ADAMTS6: variants seen among roughly 807,000 people sequenced by gnomAD.
ADAMTS6 encodes the protein ADAM metallopeptidase with thrombospondin type 1 motif 6, also known as A disintegrin and metalloproteinase with thrombospondin motifs 6.
In ADAMTS6, 23 loss-of-function variants were observed where a neutral mutation model predicts 144.3. That is an observed-to-expected ratio of 0.16 (90% confidence interval 0.11 to 0.23). The LOEUF (loss-of-function observed/expected upper bound fraction) is 0.23, where lower values mean the gene tolerates loss of function less well. ADAMTS6 is among the 10% of genes least tolerant of loss of function. The probability of loss-of-function intolerance (pLI) is 1.00; values close to 1 mark genes in which losing one functional copy is unlikely to be tolerated. For missense variants in ADAMTS6, 999 were observed against 1,379.6 expected (o/e 0.72, Z 4.37); for synonymous variants, 444 against 457.5 (o/e 0.97, Z 0.38).
intron 22 of ADAMTS6, among the ~76,000 whole-genome samples, chr5:65,182,247 C>T (rs190939352): frequency 6.6e-5 from 10 of 151,858 alleles, no homozygotes; most frequent in African/African-American, 2.4e-4. Context: ...GAGTTTGAGA[C>T]CACAGCCTGG....
chr5:65,244,001 A>T (rs1381242481), intron 14 of ADAMTS6, among the ~76,000 whole-genome samples: 1 of 152,146 alleles, frequency 6.6e-6, no homozygotes, highest in East Asian at 1.9e-4. Context: ...TATATATAGC[A>T]TATGACAGCA....
chr5:65,375,051 A>G (rs934953662), intron 7 of ADAMTS6, among the ~76,000 whole-genome samples: 1 of 152,244 alleles, frequency 6.6e-6, no homozygotes, highest in Non-Finnish European at 1.5e-5. Context: ...AAAACTGGCT[A>G]GCCATATGTA....
chr5:65,371,033 G>C (rs1184136751), intron 7 of ADAMTS6, among the ~76,000 whole-genome samples: 1 of 152,112 alleles, frequency 6.6e-6, no homozygotes, highest in Non-Finnish European at 1.5e-5. Context: ...TCACATGGCC[G>C]GGTACTCCAA....
intron 7 of ADAMTS6, among the ~76,000 whole-genome samples, chr5:65,406,255 C>T (rs1754473033): frequency 6.6e-6 from 1 of 152,146 alleles, no homozygotes; most frequent in African/African-American, 2.4e-5. Context: ...CCAGTTTTTG[C>T]CCATTCAGTA....
chr5:65,344,873 T>C (rs1196712406), intron 7 of ADAMTS6, among the ~76,000 whole-genome samples: 1 of 151,922 alleles, frequency 6.6e-6, no homozygotes, highest in Non-Finnish European at 1.5e-5. Context: ...GACTAAACTT[T>C]CTTCGGCTAG....
At chr5:65,173,084 G>A (rs1453927245) in intron 22 of ADAMTS6, 76 bp from the exon 23 acceptor site, 2 of 1,402,962 alleles carry the variant, frequency 1.4e-6, no homozygotes, top group African/African-American at 2.9e-5. Context: ...CTTTCTTCAT[G>A]TAAATGTGTG....
intron 14 of ADAMTS6, 122 bp downstream of exon 14, chr5:65,260,478 A>T: frequency 1.3e-6 from 1 of 745,068 alleles, no homozygotes; most frequent in Non-Finnish European, 2.2e-6. Context: ...TTAACAATTT[A>T]GAAAATTAAT....
At chr5:65,355,915 C>T (rs989000257) in intron 7 of ADAMTS6, among the ~76,000 whole-genome samples, 8 of 151,758 alleles carry the variant, frequency 5.3e-5, no homozygotes, top group Non-Finnish European at 1.0e-4. Flanking sequence ...GGTTTATCTA[C>T]TCTAATTGTT....
At chr5:65,359,123 A>G (rs1749598052) in intron 7 of ADAMTS6, among the ~76,000 whole-genome samples, 1 of 152,104 alleles carries the variant, frequency 6.6e-6, no homozygotes, top group Admixed American at 6.6e-5. Flanking sequence ...TGTAAACCAT[A>G]TATTTCATCG....
chr5:65,210,669 T>G (rs1756462252), intron 20 of ADAMTS6: 2 of 628,224 alleles, frequency 3.2e-6, no homozygotes, highest in Non-Finnish European at 3.0e-6. Flanking sequence ...TCCCTGGTTA[T>G]GATTCTGAAA....
intron 7 of ADAMTS6, among the ~76,000 whole-genome samples, chr5:65,412,210 A>G (rs1402050043): frequency 1.3e-5 from 2 of 152,170 alleles, no homozygotes; most frequent in Non-Finnish European, 2.9e-5. Context: ...AAGAATATAC[A>G]TTTTTAAAAT....
intron 20 of ADAMTS6, among the ~76,000 whole-genome samples, chr5:65,204,224 C>A (rs1187695600): frequency 6.6e-6 from 1 of 151,934 alleles, no homozygotes; most frequent in Admixed American, 6.6e-5. Flanking sequence ...TGAAAATATG[C>A]AGGATAATTC....
intron 9 of ADAMTS6, 75 bp from the exon 10 acceptor site, chr5:65,300,206 G>A: frequency 2.8e-6 from 4 of 1,429,588 alleles, no homozygotes; most frequent in Non-Finnish European, 3.8e-6. Context: ...TTCCTTATTT[G>A]GCCATTTATT....
intron 3 of ADAMTS6, among the ~76,000 whole-genome samples, chr5:65,468,207 T>A (rs1760171210): frequency 6.6e-6 from 1 of 152,102 alleles, no homozygotes; most frequent in Non-Finnish European, 1.5e-5. Flanking sequence ...GGTGAGGAGA[T>A]ACGATTAGAA....
At chr5:65,475,742 A>G (rs1157300256) in intron 1 of ADAMTS6, among the ~76,000 whole-genome samples, 2 of 152,226 alleles carry the variant, frequency 1.3e-5, no homozygotes, top group African/African-American at 4.8e-5. Context: ...AGTAAACAAT[A>G]TTAGTAATAA....
chr5:65,316,088 T>G (rs1013514000), intron 9 of ADAMTS6, among the ~76,000 whole-genome samples: 3 of 152,112 alleles, frequency 2.0e-5, no homozygotes, highest in South Asian at 2.1e-4. Flanking sequence ...TTTTTGTATT[T>G]TTTAGTAGAG....
At chr5:65,224,181 C>G (rs1757545035) in intron 18 of ADAMTS6, 139 bp downstream of exon 18, 1 of 676,710 alleles carries the variant, frequency 1.5e-6, no homozygotes, top group South Asian at 1.8e-5. Context: ...TATATGTGTT[C>G]TATAAAACTT....
intron 3 of ADAMTS6, among the ~76,000 whole-genome samples, chr5:65,462,235 A>G (rs1759684687): frequency 1.3e-5 from 2 of 152,198 alleles, no homozygotes; most frequent in African/African-American, 4.8e-5. Flanking sequence ...GGGGGAAAGT[A>G]TAAGTTTTGA....
At chr5:65,301,250 A>T (rs1743345021) in intron 9 of ADAMTS6, among the ~76,000 whole-genome samples, 1 of 152,250 alleles carries the variant, frequency 6.6e-6, no homozygotes, top group Admixed American at 6.5e-5. Context: ...AACAGATTAC[A>T]TATACATTTT....
Sources: allele counts gnomAD v4.1 joint callset (sites outside exome capture counted in the v4.1 genomes callset), GRCh38; gene constraint gnomAD v4.1.1; transcripts MANE v1.5; gene names NCBI Gene and HGNC (gene_info 2026-07-23, HGNC 2026-07-21).